The following KIRREL3 variants were observed in gnomAD, a reference collection of about 807,000 sequenced individuals.
KIRREL3 encodes the protein kin of IRRE-like protein 3.
Under a neutral mutation model 89.7 loss-of-function variants are expected in KIRREL3, and 36 were observed. The ratio of observed to expected loss-of-function variants is 0.40; its 90% CI spans 0.31 to 0.53. KIRREL3 has a LOEUF of 0.53. KIRREL3 is among the 20% of genes least tolerant of loss of function. The pLI is 0.49. For synonymous variants in KIRREL3, 445 were observed against 441.4 expected, an observed-to-expected ratio of 1.01 and a Z score of -0.10; for missense variants, 864 against 1,056.6, an observed-to-expected ratio of 0.82 and a Z score of 2.53.
At chr11:126,982,268 G>A (rs1949742214) in intron 1 of KIRREL3, among the ~76,000 whole-genome samples, 1 of 152,220 alleles carries the variant, frequency 6.6e-6, no homozygotes, top group African/African-American at 2.4e-5. Flanking sequence ...AGAGCTGTCA[G>A]AGACTTGTAA....
chr11:126,532,409 C>T (rs1788978), intron 2 of KIRREL3, among the ~76,000 whole-genome samples: 68,660 of 151,902 alleles, frequency 0.45, 16,335 homozygotes, highest in East Asian at 0.86. Context: ...GAGTCTTGCT[C>T]TTGTCGCCCA....
Position 126,653,998 on chromosome 11 carries a change from G to C in KIRREL3, c.56-91086C>G, listed in dbSNP as rs1025150531. Among the ~76,000 whole-genome samples the C allele has an allele frequency of 1.3e-5, 2 of 152,200 alleles. No homozygotes were observed. The highest frequency in any genetic ancestry group is 4.8e-5 in the African/African-American group (2 of 41,442). On this transcript the variant is annotated intron_variant, in intron 1 of 16. Transcript: ENST00000525144. The surrounding 1 kb of genome is among the most constrained non-coding windows in gnomAD (Gnocchi z 5.4). ...ACGCCCAGCACATATCTCACCCTCA[G>C]TCACAGCGAGGCCACAGCCCTCGAT...
chr11:126,966,360 T>C (rs1408637428), intron 1 of KIRREL3, among the ~76,000 whole-genome samples: 4 of 152,170 alleles, frequency 2.6e-5, no homozygotes, highest in Non-Finnish European at 5.9e-5. Context: ...GCAGCATGCG[T>C]CTCCTGGGGA....
chr11:126,694,295 C>A lies in KIRREL3; in HGVS notation c.56-131383G>T, dbSNP rs1946999693. ...GCAAATGGTTGTTCTTGTTTTATTG[C>A]TTATTTATGGGAATCTATTTAAAGT... is the stretch of plus-strand genomic sequence containing the variant. On this transcript the variant is annotated intron_variant, in intron 1 of 16. Coordinates refer to ENST00000525144, the MANE Select transcript of KIRREL3 (RefSeq NM_032531.4). This position sits in a 1 kb window ranked among gnomAD's most constrained non-coding sequence, Gnocchi z 4.4. 6.6e-6 allele frequency among the ~76,000 whole-genome samples: 1 copy of A among 152,178 alleles called. No homozygotes were observed. Among genetic ancestry groups the A allele is most frequent in the Non-Finnish European group, 1.5e-5 (1 of 68,034 alleles).
Position 126,778,946 on chromosome 11 carries a change from T to A in KIRREL3, c.56-216034A>T, listed in dbSNP as rs926986441. The stretch of plus-strand genomic sequence containing the variant: ...GTTTCTGAACACACACACAAGGTAA[T>A]ACATGTAAGAGCACCTAGCGCGGAA... On this transcript the variant is annotated intron_variant, in intron 1 of 16. Transcript: ENST00000525144. The surrounding 1 kb of genome is among the most constrained non-coding windows in gnomAD (Gnocchi z 4.5). 1.3e-5 allele frequency among the ~76,000 whole-genome samples: 2 copies of A among 152,176 alleles called. No individual in the cohort carries two copies. Among genetic ancestry groups the A allele is most frequent in the Non-Finnish European group, 2.9e-5 (2 of 68,032 alleles).
In KIRREL3 at chr11:126,489,281, C is replaced by G. The variant is rs940678529; in HGVS notation, c.434-15815G>C. ...CTAAGGGAAGCAGCCCTGTCATGTT[C>G]CTCTTTGTCTCTCTCTCCTGCCCCA... On this transcript the variant is annotated intron_variant, in intron 4 of 16. Coordinates refer to ENST00000525144, the MANE Select transcript of KIRREL3 (RefSeq NM_032531.4). The surrounding 1 kb of genome is among the most constrained non-coding windows in gnomAD (Gnocchi z 5.5). Among the ~76,000 whole-genome samples the G allele has an allele frequency of 6.6e-6, 1 of 152,126 alleles. No individual in the cohort carries two copies. Among genetic ancestry groups the G allele is most frequent in the Non-Finnish European group, 1.5e-5 (1 of 68,022 alleles).
At chr11:126,930,100 T>C (rs1592390471) in intron 1 of KIRREL3, among the ~76,000 whole-genome samples, 1 of 144,724 alleles carries the variant, frequency 6.9e-6, no homozygotes, top group East Asian at 2.4e-4. Context: ...CCCATTTGTG[T>C]GCTTAAAAAA....
rs191239086 is a variant in KIRREL3, at chr11:126,526,737, G to T, written c.134-50C>A. On this transcript the variant is annotated intron_variant, in intron 2 of 16. Transcript: ENST00000525144. The surrounding 1 kb of genome is among the most constrained non-coding windows in gnomAD (Gnocchi z 5.7). ...TCAGTTATCTGCCGGCTACAGGGGC[G>T]AGAAGGCTCCCCTCCAGCTATGGAA... The T allele has an allele frequency of 6.5e-7, 1 of 1,527,160 alleles. No individual in the cohort carries two copies. Among genetic ancestry groups the T allele is most frequent in the Non-Finnish European group, 8.9e-7 (1 of 1,127,560 alleles). 94.6% of individuals were successfully genotyped at this position (1,527,160 alleles called of 1,614,324 possible).
chr11:126,487,375 C>T (rs1957394575), intron 4 of KIRREL3, among the ~76,000 whole-genome samples: 1 of 152,166 alleles, frequency 6.6e-6, no homozygotes, highest in East Asian at 1.9e-4. Flanking sequence ...ACACACAGTC[C>T]TTTGGGATGG....
Position 126,811,356 on chromosome 11 carries a change from G to A in KIRREL3, c.55+189099C>T, listed in dbSNP as rs572989223. On this transcript the variant is annotated intron_variant, in intron 1 of 16. Coordinates refer to ENST00000525144, the MANE Select transcript of KIRREL3 (RefSeq NM_032531.4). The surrounding 1 kb of genome is among the most constrained non-coding windows in gnomAD (Gnocchi z 4.3). ...AGGTCCTTGTCTGAATTCTCCGTGT[G>A]GTTGCTGGCCTGTAAGCTCCAAGAG... Among the ~76,000 whole-genome samples, 37 of 152,310 alleles carry A rather than the reference G, an allele frequency of 2.4e-4. No individual in the cohort carries two copies. The highest frequency in any genetic ancestry group is 8.9e-4 in the African/African-American group (37 of 41,570).
Position 126,837,505 on chromosome 11 carries a change from G to A in KIRREL3, c.55+162950C>T, listed in dbSNP as rs962907834. On this transcript the variant is annotated intron_variant, in intron 1 of 16. Coordinates refer to ENST00000525144, the MANE Select transcript of KIRREL3 (RefSeq NM_032531.4). The surrounding 1 kb of genome is among the most constrained non-coding windows in gnomAD (Gnocchi z 4.7). ...ATGGAATTACTTCCACAATAATTAC[G>A]AGGGAATCGGATCTTGTCTAGGACA... Among the ~76,000 whole-genome samples the A allele has an allele frequency of 1.3e-5, 2 of 152,088 alleles. No homozygotes were observed. The highest frequency in any genetic ancestry group is 6.5e-5 in the Admixed American group (1 of 15,272).
rs763137852 is a variant in KIRREL3, at chr11:126,456,438, G to T, written c.759C>A (p.Asn253Lys). 51 of 1,582,510 alleles carry T rather than the reference G, an allele frequency of 3.2e-5. No individual in the cohort carries two copies. Among genetic ancestry groups the T allele is most frequent in the Non-Finnish European group, 4.3e-5 (50 of 1,164,544 alleles). ...TIDIQHPPLVNLSVEPQPVLE... is the reference protein window; with the variant it reads ...TIDIQHPPLVKLSVEPQPVLE... ...GCACTGGCTGTGGCTCCACCGAGAG[G>T]TTGACCAGTGGAGGGTCTGCAGGGA... is the stretch of plus-strand genomic sequence containing the variant. The change falls in exon 7 of 17, where the codon AAC becomes AAA. Residue 253 changes from asparagine to lysine, a missense_variant. Coordinates refer to ENST00000525144, the MANE Select transcript of KIRREL3 (RefSeq NM_032531.4).
rs1343721222 is a variant in KIRREL3, at chr11:126,541,910, C to T, written c.134-15223G>A. ...ACACCTTTTGAAAGTTCATGCAACC[C>T]TTTTTGTCAGTGAAGTCTCACAGGG... On this transcript the variant is annotated intron_variant, in intron 2 of 16. Coordinates refer to ENST00000525144, the MANE Select transcript of KIRREL3 (RefSeq NM_032531.4). This position sits in a 1 kb window ranked among gnomAD's most constrained non-coding sequence, Gnocchi z 4.8. 1.3e-5 allele frequency among the ~76,000 whole-genome samples: 2 copies of T among 152,156 alleles called. No individual in the cohort carries two copies. Among genetic ancestry groups the T allele is most frequent in the Non-Finnish European group, 2.9e-5 (2 of 68,028 alleles).
Position 126,797,449 on chromosome 11 carries a change from T to C in KIRREL3, c.55+203006A>G, listed in dbSNP as rs890613550. 1.3e-5 allele frequency among the ~76,000 whole-genome samples: 2 copies of C among 152,124 alleles called. No individual in the cohort carries two copies. Among genetic ancestry groups the C allele is most frequent in the African/African-American group, 4.8e-5 (2 of 41,436 alleles). On this transcript the variant is annotated intron_variant, in intron 1 of 16. Coordinates refer to ENST00000525144, the MANE Select transcript of KIRREL3 (RefSeq NM_032531.4). This position sits in a 1 kb window ranked among gnomAD's most constrained non-coding sequence, Gnocchi z 4.9. ...TGGTCAGTGTCGGGGGCCCTTCAAC[T>C]TCTGCTTGCAGAAGCCCGATTCATC...
At chr11:126,457,325 G>A (rs985261876) in intron 6 of KIRREL3, among the ~76,000 whole-genome samples, 2 of 151,048 alleles carry the variant, frequency 1.3e-5, no homozygotes, top group Non-Finnish European at 2.9e-5. Flanking sequence ...GTGTATGCAT[G>A]TGTATGTGTA....
intron 1 of KIRREL3, among the ~76,000 whole-genome samples, chr11:126,619,494 C>G (rs1943491762): frequency 6.6e-6 from 1 of 152,106 alleles, no homozygotes; most frequent in East Asian, 1.9e-4. Context: ...AAAAAAGATC[C>G]TATGTGGAGA....
At chr11:126,982,116 G>A (rs911309379) in intron 1 of KIRREL3, among the ~76,000 whole-genome samples, 7 of 152,182 alleles carry the variant, frequency 4.6e-5, no homozygotes, top group African/African-American at 1.4e-4. Flanking sequence ...ACCTGCAACT[G>A]TTTAACAGCA....
Position 126,429,287 on chromosome 11 carries a change from A to T in KIRREL3, c.1698T>A (p.Asn566Lys). ...TTTTGGCTGACACAACACCTTTGAG[A>T]TCTGGAGATAAAATAGTAAAGTGTA... The part of the protein sequence containing the change: ...VAFCCARSQR[N>K]LKGVVSAKND... Residue 566 changes from asparagine (N) to lysine (K), a missense_variant and splice_region_variant, in exon 15 of 17, where the codon AAT becomes AAA. Asn to Lys is a moderately conservative substitution (Grantham distance 94, BLOSUM62 0). Transcript: ENST00000525144. The surrounding 1 kb of genome is among the most constrained non-coding windows in gnomAD (Gnocchi z 5.2). 1.2e-6 allele frequency: 2 copies of T among 1,603,096 alleles called. No homozygotes were observed. Among genetic ancestry groups the T allele is most frequent in the Non-Finnish European group, 1.7e-6 (2 of 1,170,018 alleles).
chr11:127,002,497 C>A (rs1950332317), upstream of KIRREL3, among the ~76,000 whole-genome samples: 1 of 152,118 alleles, frequency 6.6e-6, no homozygotes, highest in Non-Finnish European at 1.5e-5. Context: ...AGAGGCAAAT[C>A]AAAAACACAC....
Sources: allele counts gnomAD v4.1 joint callset (sites outside exome capture counted in the v4.1 genomes callset), GRCh38; gene constraint gnomAD v4.1.1; non-coding constraint Gnocchi (gnomAD v3.1); transcripts MANE v1.5; gene names NCBI Gene and HGNC (gene_info 2026-07-23, HGNC 2026-07-21).